The following SH3D19 variants were observed in gnomAD, a reference collection of about 807,000 sequenced individuals.
The protein encoded by SH3D19 is SH3 domain containing 19, also known as SH3 domain-containing protein 19.
Under a neutral mutation model 112.1 loss-of-function variants are expected in SH3D19, and 58 were observed. The ratio of observed to expected loss-of-function variants is 0.52; its 90% CI spans 0.42 to 0.64. The LOEUF is 0.64. SH3D19 is among the 30% of genes least tolerant of loss of function. The pLI is 0.00. For missense variants in SH3D19, 1,090 were observed against 1,263.4 expected (o/e 0.86, Z 2.08); for synonymous variants, 391 against 448.5 (o/e 0.87, Z 1.62).
chr4:151,290,362 C>T (rs761036107), intron 1 of SH3D19, among the ~76,000 whole-genome samples: 9 of 152,072 alleles, frequency 5.9e-5, no homozygotes, highest in Non-Finnish European at 1.3e-4. Context: ...TTATTCAGCC[C>T]TAAAAGGAGT....
At chr4:151,228,852 TTTTC>T (rs1157943351) in intron 1 of SH3D19, among the ~76,000 whole-genome samples, 36 of 51,536 alleles carry the variant, frequency 7.0e-4, no homozygotes, top group Non-Finnish European at 3.0e-3. Context: ...GAATTTTTTC[TTTTC>T]TTTTTTTTTT....
chr4:151,248,726 G>A (rs2149975183), intron 1 of SH3D19, among the ~76,000 whole-genome samples: 1 of 152,130 alleles, frequency 6.6e-6, no homozygotes. Context: ...CAAATTTCAG[G>A]TCCAACAACC....
intron 2 of SH3D19, among the ~76,000 whole-genome samples, chr4:151,200,943 C>T (rs1345790186): frequency 6.6e-6 from 1 of 152,198 alleles, no homozygotes; most frequent in Non-Finnish European, 1.5e-5. Flanking sequence ...GAGCGAGTTG[C>T]TCACATTTAT....
At chr4:151,180,992 C>T (rs1440795551) in intron 3 of SH3D19, among the ~76,000 whole-genome samples, 1 of 142,580 alleles carries the variant, frequency 7.0e-6, no homozygotes, top group Non-Finnish European at 1.5e-5. Context: ...CCAGGATGGT[C>T]TTGATCTCCT....
intron 9 of SH3D19, 126 bp from the exon 10 acceptor site, chr4:151,149,687 T>C (rs1754570017): frequency 2.7e-6 from 2 of 746,970 alleles, no homozygotes; most frequent in South Asian, 1.8e-5. Context: ...AGAAAGTAGC[T>C]TAAAAGAGTT....
At chr4:151,180,769 C>CT (rs775183626) in intron 3 of SH3D19, among the ~76,000 whole-genome samples, 4,006 of 138,398 alleles carry the variant, frequency 0.029, 91 homozygotes, top group Middle Eastern at 0.047. Context: ...TTCTTTATTT[C>CT]TTTTTTTTTT....
chr4:151,137,897 C>A, intron 13 of SH3D19, 35 bp from the exon 14 acceptor site: 1 of 1,549,944 alleles, frequency 6.5e-7, no homozygotes, highest in South Asian at 1.2e-5. Context: ...TATGATGAAT[C>A]ATCCTGGTTG....
intron 2 of SH3D19, among the ~76,000 whole-genome samples, chr4:151,216,689 G>A (rs1025037419): frequency 1.3e-5 from 2 of 152,260 alleles, no homozygotes; most frequent in East Asian, 3.9e-4. Flanking sequence ...AAAGTTAACT[G>A]CCTGCTGATA....
intron 1 of SH3D19, among the ~76,000 whole-genome samples, chr4:151,304,733 C>T (rs528497177): frequency 5.9e-5 from 9 of 152,146 alleles, no homozygotes; most frequent in African/African-American, 1.9e-4. Context: ...TGAATAGCTC[C>T]CACATATTCC....
At chr4:151,324,993 G>A (rs189486774) in intron 1 of SH3D19, among the ~76,000 whole-genome samples, 2 of 152,146 alleles carry the variant, frequency 1.3e-5, no homozygotes, top group African/African-American at 4.8e-5. Flanking sequence ...GATTTAGTGT[G>A]CACGGAAAAT....
chr4:151,218,037 C>T (rs1461720604), intron 2 of SH3D19, among the ~76,000 whole-genome samples: 1 of 151,958 alleles, frequency 6.6e-6, no homozygotes, highest in Non-Finnish European at 1.5e-5. Context: ...AGAAAGCAGA[C>T]TAGGATAGAC....
At chr4:151,145,138 T>C (rs958664262) in intron 11 of SH3D19, among the ~76,000 whole-genome samples, 2 of 152,196 alleles carry the variant, frequency 1.3e-5, no homozygotes, top group East Asian at 1.9e-4. Flanking sequence ...AATGGTACTG[T>C]AGGCATGCAA....
intron 1 of SH3D19, among the ~76,000 whole-genome samples, chr4:151,304,900 T>G (rs1728789182): frequency 6.6e-6 from 1 of 152,182 alleles, no homozygotes; most frequent in African/African-American, 2.4e-5. Context: ...GTACTGAAGG[T>G]GTGTCAAAAC....
At chr4:151,255,037 C>G (rs1459582575) in intron 1 of SH3D19, among the ~76,000 whole-genome samples, 2 of 150,362 alleles carry the variant, frequency 1.3e-5, no homozygotes, top group Non-Finnish European at 3.0e-5. Context: ...GGCAGAGGCG[C>G]CCCTCACCTC....
chr4:151,126,868 G>A (rs557067588), intron 19 of SH3D19, among the ~76,000 whole-genome samples: 1,069 of 89,226 alleles, frequency 0.012, 10 homozygotes, highest in Non-Finnish European at 0.021. Flanking sequence ...GCATTTCTTC[G>A]GTGAAAAAAA....
chr4:151,303,996 T>C (rs9992292), intron 1 of SH3D19, among the ~76,000 whole-genome samples: 5,817 of 152,044 alleles, frequency 0.038, 267 homozygotes, highest in East Asian at 0.097. Flanking sequence ...TTTTTTTTTT[T>C]TTAAGAGATA....
intron 1 of SH3D19, among the ~76,000 whole-genome samples, chr4:151,235,407 T>A (rs192610853): frequency 7.3e-4 from 111 of 152,320 alleles, no homozygotes; most frequent in Middle Eastern, 3.4e-3. Flanking sequence ...GTTTCCCAAA[T>A]TACAATAACC....
chr4:151,273,539 G>A (rs1043021400), intron 1 of SH3D19, among the ~76,000 whole-genome samples: 2 of 135,076 alleles, frequency 1.5e-5, no homozygotes, highest in East Asian at 2.4e-4. Flanking sequence ...GCAGTGAGCC[G>A]AGATTACGCC....
intron 2 of SH3D19, among the ~76,000 whole-genome samples, chr4:151,189,033 G>A (rs1215175140): frequency 6.6e-6 from 1 of 152,176 alleles, no homozygotes; most frequent in East Asian, 1.9e-4. Flanking sequence ...TTCAGAGGGG[G>A]CATAGCCCTG....
Sources: gnomAD v4.1 joint callset for allele counts (sites outside exome capture counted in the v4.1 genomes callset) on GRCh38, gnomAD v4.1.1 for gene constraint, MANE v1.5 for transcripts, NCBI Gene and HGNC (gene_info 2026-07-23, HGNC 2026-07-21) for gene names.